The following AFF2 variants were observed in gnomAD, a reference collection of about 807,000 sequenced individuals.
The protein encoded by AFF2 is ALF transcription elongation factor 2, also known as AF4/FMR2 family member 2.
AFF2 carries 14 observed loss-of-function variants against 76.9 expected under a neutral mutation model. The observed-to-expected ratio is 0.18, with a 90% CI of 0.12 to 0.28. The LOEUF (loss-of-function observed/expected upper bound fraction) is 0.28. Among genes scored for constraint, AFF2 ranks in the 10% least tolerant of loss-of-function variants. AFF2 has a pLI of 1.00. For missense variants in AFF2, 868 were observed against 1,001.1 expected (o/e 0.87, Z 1.79); for synonymous variants, 398 against 366.7 (o/e 1.09, Z -0.98).
intron 3 of AFF2, among the ~76,000 whole-genome samples, chrX:148,725,603 C>G (rs1258224913): frequency 1.8e-5 from 2 of 111,767 alleles, no homozygotes; most frequent in African/African-American, 6.5e-5. Context: ...TAATGTCCGT[C>G]TTTGATAAAC....
chrX:148,681,743 G>A (rs1029267856), intron 3 of AFF2, among the ~76,000 whole-genome samples: 1 of 110,833 alleles, frequency 9.0e-6, no homozygotes, highest in Admixed American at 9.6e-5. Flanking sequence ...AAAGAAGAAA[G>A]AAAGAGGAAC....
chrX:148,899,023 C>T (rs1443578390), intron 8 of AFF2, among the ~76,000 whole-genome samples: 15 of 111,874 alleles, frequency 1.3e-4, no homozygotes, highest in Non-Finnish European at 5.6e-5. Context: ...CAGAATGTTT[C>T]CATGCACGTT....
intron 16 of AFF2, 114 bp from the exon 17 acceptor site, chrX:148,977,819 C>G: frequency 1.8e-6 from 1 of 563,149 alleles, no homozygotes; most frequent in Non-Finnish European, 3.1e-6. Flanking sequence ...AGTCAGTCCT[C>G]TTGCCCAGAA....
intron 1 of AFF2, among the ~76,000 whole-genome samples, chrX:148,573,700 C>T (rs1249891926): frequency 9.0e-6 from 1 of 111,207 alleles, no homozygotes; most frequent in Non-Finnish European, 1.9e-5. Context: ...ACAACATAGG[C>T]AACTTTAGTG....
chrX:148,549,158 A>C lies in AFF2; in HGVS notation c.47+48014A>C, dbSNP rs183006336. On this transcript the variant is annotated intron_variant, in intron 1 of 20. Transcript: ENST00000370460. The stretch of plus-strand genomic sequence containing the variant: ...TCAACCTTGAGGTGGGGCTATGTCA[A>C]CTATTTCCGCATCCCATTCCTTGCT... 1.5e-3 allele frequency among the ~76,000 whole-genome samples: 166 copies of C among 112,203 alleles called. 2 individuals are homozygous for C. The highest frequency in any genetic ancestry group is 4.8e-3 in the African/African-American group (150 of 30,942).
At chrX:148,795,169 A>G (rs781893101) in intron 3 of AFF2, among the ~76,000 whole-genome samples, 91 of 112,075 alleles carry the variant, frequency 8.1e-4, no homozygotes, top group African/African-American at 2.8e-3. Context: ...TAGTAGCAGT[A>G]ATTGAAGATA....
intron 12 of AFF2, among the ~76,000 whole-genome samples, chrX:148,960,328 G>A (rs926207830): frequency 4.4e-5 from 5 of 112,413 alleles, no homozygotes; most frequent in Admixed American, 2.8e-4. Context: ...AGTCATCTAG[G>A]CTGTTTACCT....
intron 15 of AFF2, among the ~76,000 whole-genome samples, chrX:148,970,083 G>A (rs1557289340): frequency 8.9e-6 from 1 of 111,786 alleles, no homozygotes; most frequent in East Asian, 2.8e-4. Flanking sequence ...TTTCCAAATG[G>A]GAGAGCCAGT....
chrX:148,538,839 A>G (rs1156271379), intron 1 of AFF2, among the ~76,000 whole-genome samples: 1 of 111,827 alleles, frequency 8.9e-6, no homozygotes, highest in Admixed American at 9.5e-5. Flanking sequence ...CCAGATCTGA[A>G]CCTAGGTGTG....
chrX:148,969,493 G>T (rs1458354829), intron 15 of AFF2, among the ~76,000 whole-genome samples: 7 of 112,049 alleles, frequency 6.2e-5, no homozygotes, highest in African/African-American at 1.9e-4. Context: ...ATATAAAATG[G>T]CCATTTGCAT....
intron 7 of AFF2, among the ~76,000 whole-genome samples, chrX:148,865,821 T>C (rs915044860): frequency 5.4e-5 from 6 of 111,868 alleles, no homozygotes; most frequent in Non-Finnish European, 1.1e-4. Context: ...GAATGACGAT[T>C]GGAGTAGGCA....
intron 9 of AFF2, among the ~76,000 whole-genome samples, chrX:148,926,540 A>T (rs2124281065): frequency 8.9e-6 from 1 of 111,822 alleles, no homozygotes; most frequent in Admixed American, 9.4e-5. Context: ...GTGTGAAATC[A>T]ATTTCATTGC....
chrX:148,645,989 G>T (rs1444162722), intron 1 of AFF2, among the ~76,000 whole-genome samples: 5 of 112,129 alleles, frequency 4.5e-5, no homozygotes, highest in Non-Finnish European at 7.5e-5. Context: ...CTACAGTGTG[G>T]ATGTACATTG....
chrX:148,847,998 C>G (rs1557274918), intron 7 of AFF2, among the ~76,000 whole-genome samples: 1 of 111,281 alleles, frequency 9.0e-6, no homozygotes, highest in African/African-American at 3.3e-5. Flanking sequence ...ACAGAAGAGC[C>G]CTCTGAGTCA....
rs149822204 is a variant in AFF2 at position 148,663,247 on chromosome X, C to T, written c.1041+479C>T. On this transcript the variant is annotated intron_variant, in intron 3 of 20. Transcript: ENST00000370460. ...GCTGGAACCTGAAGTAGAAGGCGTT[C>T]TTTAAGAATTTTAGTTTCTTGAGTG... Among the ~76,000 whole-genome samples the T allele has an allele frequency of 2.5e-3, 277 of 111,813 alleles. 2 individuals are homozygous for T. Among genetic ancestry groups the T allele is most frequent in the African/African-American group, 8.6e-3 (263 of 30,757 alleles).
chrX:148,900,120 A>C (rs1274481061), intron 8 of AFF2, among the ~76,000 whole-genome samples: 1 of 111,273 alleles, frequency 9.0e-6, no homozygotes, highest in African/African-American at 3.3e-5. Context: ...AAGTGTTATC[A>C]TTATAAAGAA....
intron 8 of AFF2, among the ~76,000 whole-genome samples, chrX:148,894,892 G>GAT (rs200455717): frequency 0.011 from 1,178 of 109,571 alleles, 12 homozygotes; most frequent in African/African-American, 0.037. Flanking sequence ...ATGTGAGATA[G>GAT]ATAGATATAT....
At chrX:148,742,216 A>G (rs1433295293) in intron 3 of AFF2, among the ~76,000 whole-genome samples, 1 of 112,412 alleles carries the variant, frequency 8.9e-6, no homozygotes, top group Non-Finnish European at 1.9e-5. Context: ...AATCAAGATG[A>G]TAACTCCATA....
intron 7 of AFF2, among the ~76,000 whole-genome samples, chrX:148,850,778 G>A (rs186126272): frequency 4.5e-5 from 5 of 112,222 alleles, no homozygotes; most frequent in African/African-American, 9.7e-5. Context: ...GAAACCAGGC[G>A]TAGGGAGGGG....
Sources: gnomAD v4.1 joint callset for allele counts (sites outside exome capture counted in the v4.1 genomes callset) on GRCh38, gnomAD v4.1.1 for gene constraint, MANE v1.5 for transcripts, NCBI Gene and HGNC (gene_info 2026-07-23, HGNC 2026-07-21) for gene names.